The following JPH2 variants were observed in gnomAD, a reference collection of about 807,000 sequenced individuals.
The protein encoded by JPH2 is junctophilin-2.
In JPH2, 38 loss-of-function variants were observed where a neutral mutation model predicts 55.9. That is an observed-to-expected ratio of 0.68 (90% CI 0.52 to 0.89). The LOEUF (loss-of-function observed/expected upper bound fraction) is 0.89, where lower values mean the gene tolerates loss of function less well. JPH2 is among the 40% of genes least tolerant of loss of function. JPH2 has a pLI of 0.00. For missense variants in JPH2, 964 were observed against 1,037.6 expected (o/e 0.93, Z 0.97); for synonymous variants, 480 against 472.4 (o/e 1.02, Z -0.21).
chr20:44,138,575 T>G (rs1407543220), intron 2 of JPH2, among the ~76,000 whole-genome samples: 2 of 150,530 alleles, frequency 1.3e-5, no homozygotes, highest in African/African-American at 4.9e-5. Context: ...TAGAGATGGG[T>G]TCTCACCATA....
intron 3 of JPH2, among the ~76,000 whole-genome samples, chr20:44,116,759 T>C (rs559663279): frequency 6.6e-6 from 1 of 152,302 alleles, no homozygotes; most frequent in East Asian, 1.9e-4. Flanking sequence ...GGCCTGATCA[T>C]ACCTATTTTA....
chr20:44,133,527 T>C (rs1235180285), intron 2 of JPH2, among the ~76,000 whole-genome samples: 1 of 151,918 alleles, frequency 6.6e-6, no homozygotes, highest in East Asian at 1.9e-4. Context: ...ATTCCAAAGG[T>C]TGTGCTAAGC....
chr20:44,174,146 G>A (rs1291607963), intron 1 of JPH2, among the ~76,000 whole-genome samples: 1 of 152,184 alleles, frequency 6.6e-6, no homozygotes, highest in Non-Finnish European at 1.5e-5. Context: ...TTACCTTCAT[G>A]GGTAAGTGTA....
intron 2 of JPH2, among the ~76,000 whole-genome samples, chr20:44,149,069 A>G (rs139994887): frequency 4.0e-4 from 61 of 151,782 alleles, no homozygotes; most frequent in African/African-American, 9.9e-4. Flanking sequence ...CCGTCTCAAA[A>G]AAAAAAAACA....
At chr20:44,148,529 C>T (rs1416568257) in intron 2 of JPH2, among the ~76,000 whole-genome samples, 1 of 152,174 alleles carries the variant, frequency 6.6e-6, no homozygotes, top group Non-Finnish European at 1.5e-5. Context: ...AAGGGTTCTT[C>T]GTTTCTTTCC....
intron 2 of JPH2, among the ~76,000 whole-genome samples, chr20:44,132,536 C>T (rs538305523): frequency 1.3e-4 from 19 of 151,792 alleles, no homozygotes; most frequent in East Asian, 1.2e-3. Flanking sequence ...GCTTCCAGTG[C>T]GCCCAGTCAA....
At chr20:44,124,934 CCTGTCT>C (rs938567303) in intron 2 of JPH2, among the ~76,000 whole-genome samples, 4 of 152,116 alleles carry the variant, frequency 2.6e-5, no homozygotes, top group Non-Finnish European at 5.9e-5. Flanking sequence ...ATGCCGAAAC[CCTGTCT>C]CTACCAAAAA....
At chr20:44,184,802 C>T (rs144762312) in intron 1 of JPH2, among the ~76,000 whole-genome samples, 36 of 152,318 alleles carry the variant, frequency 2.4e-4, no homozygotes, top group African/African-American at 5.8e-4. Flanking sequence ...ACTGTCCTGT[C>T]GAGACCAAGC....
chr20:44,168,158 A>G (rs1463290433), intron 1 of JPH2, among the ~76,000 whole-genome samples: 1 of 152,226 alleles, frequency 6.6e-6, no homozygotes, highest in South Asian at 2.1e-4. Context: ...GATTAACTGG[A>G]AAGATGAAAA....
At position 44,106,973 on chromosome 20, in the gene JPH2, T is replaced by G. The variant is rs2072112710; in HGVS notation, c.*6545A>C. On this transcript the variant is annotated 3_prime_UTR_variant, in exon 6 of 6. Transcript: ENST00000372980. ...GCAATCCTTGCTCTGGAGCTCCCAC[T>G]GGGTTGGACTTTGTCAGGCCTGCAT... 6.6e-6 allele frequency among the ~76,000 whole-genome samples: 1 copy of G among 152,162 alleles called. No homozygotes were observed. The highest frequency in any genetic ancestry group is 1.5e-5 in the Non-Finnish European group (1 of 68,022).
In JPH2 at chr20:44,115,910, CCTCGGG is replaced by C; in HGVS notation, c.1759_1764del (p.Pro587_Glu588del). The stretch of plus-strand genomic sequence containing the variant: ...GAGGGCGCGGACTCGGACCCGGAGA[CCTCGGG>C]CTCGGGCTGGTCCTCAAAGGGTGGG... On this transcript the variant is annotated inframe_deletion, in exon 4 of 6. Transcript: ENST00000372980. The C allele has an allele frequency of 1.3e-6, 2 of 1,573,236 alleles. No individual in the cohort carries two copies. The highest frequency in any genetic ancestry group is 8.6e-7 in the Non-Finnish European group (1 of 1,166,042).
intron 2 of JPH2, among the ~76,000 whole-genome samples, chr20:44,148,782 G>A (rs1051995295): frequency 6.6e-6 from 1 of 152,002 alleles, no homozygotes; most frequent in Non-Finnish European, 1.5e-5. Context: ...ATCAACAATC[G>A]GCCGGGCGTG....
intron 1 of JPH2, among the ~76,000 whole-genome samples, chr20:44,182,726 A>G (rs940370714): frequency 2.0e-5 from 3 of 152,118 alleles, no homozygotes; most frequent in African/African-American, 4.8e-5. Flanking sequence ...AGTTTTTTCC[A>G]TAACACTTGT....
chr20:44,177,570 C>G (rs774951693), intron 1 of JPH2: 20 of 1,153,182 alleles, frequency 1.7e-5, no homozygotes, highest in Non-Finnish European at 2.2e-5. Context: ...CCAGAAGCTG[C>G]CAAGACAGCA....
At chr20:44,173,196 G>A (rs115699878) in intron 1 of JPH2, among the ~76,000 whole-genome samples, 152 of 152,156 alleles carry the variant, frequency 1.0e-3, no homozygotes, top group African/African-American at 3.6e-3. Context: ...GAGAAATATA[G>A]CCAGAGGTTA....
intron 2 of JPH2, among the ~76,000 whole-genome samples, chr20:44,148,189 A>C (rs1017800001): frequency 5.9e-5 from 9 of 152,016 alleles, no homozygotes; most frequent in African/African-American, 1.2e-4. Flanking sequence ...AACAACAAAA[A>C]CAAACAAAAA....
rs1176721106 is a variant in JPH2 at position 44,132,347 on chromosome 20, GACAGACAGACACAC to G, written c.1170-13738_1170-13725del. ...CTGTGAATGAGGTGGAAGGGAGGCA[GACAGACAGACACAC>G]ACACACACACACACACACACACACA... On this transcript the variant is annotated intron_variant, in intron 2 of 5. Transcript: ENST00000372980. Among the ~76,000 whole-genome samples the G allele has an allele frequency of 9.6e-4, 85 of 88,828 alleles. 1 individual carries two copies. Among genetic ancestry groups the G allele is most frequent in the Middle Eastern group, 9.9e-3 (2 of 202 alleles). The allele number at this position is 88,828 out of a possible 152,430, so 58.3% of individuals were successfully genotyped here. A position where few individuals can be genotyped will look rare whatever the true frequency, so the allele number is the denominator to read the frequency against.
rs1401005774 is a variant in JPH2, at chr20:44,184,917, T to A, written c.379+1410A>T. 2.6e-5 allele frequency among the ~76,000 whole-genome samples: 4 copies of A among 152,254 alleles called. No individual in the cohort carries two copies. The East Asian group carries it at 7.7e-4, about 29-fold the overall frequency. On this transcript the variant is annotated intron_variant, in intron 1 of 5. Transcript: ENST00000372980. ...CTTGTGTATAATGTGTATAACTGTT[T>A]GTCTGCATGCCTATCTTTGTTTTTC...
intron 1 of JPH2, among the ~76,000 whole-genome samples, chr20:44,166,517 C>T (rs550248481): frequency 1.3e-5 from 2 of 152,308 alleles, no homozygotes; most frequent in South Asian, 4.1e-4. Context: ...GATGTAGTCC[C>T]TTTAAGCCCA....
Sources: gnomAD v4.1 joint callset for allele counts (sites outside exome capture counted in the v4.1 genomes callset) on GRCh38, gnomAD v4.1.1 for gene constraint, MANE v1.5 for transcripts, NCBI Gene and HGNC (gene_info 2026-07-23, HGNC 2026-07-21) for gene names.